HOMER2: variants seen among roughly 807,000 people sequenced by gnomAD.
The protein encoded by HOMER2 is homer scaffold protein 2.
Under a neutral mutation model 47.0 loss-of-function variants are expected in HOMER2, and 27 were observed. The ratio of observed to expected loss-of-function variants is 0.57; its 90% CI spans 0.42 to 0.79. HOMER2 has a LOEUF of 0.79. HOMER2 is among the 30% of genes least tolerant of loss of function. The probability of loss-of-function intolerance (pLI) is 0.00; values close to 1 mark genes in which losing one functional copy is unlikely to be tolerated. For missense variants in HOMER2, 443 were observed against 435.0 expected (o/e 1.02, Z -0.16); for synonymous variants, 161 against 163.8 (o/e 0.98, Z 0.13).
intron 1 of HOMER2, among the ~76,000 whole-genome samples, chr15:82,983,996 A>G (rs2030490958): frequency 6.6e-6 from 1 of 151,706 alleles, no homozygotes. Flanking sequence ...CAATTGCACT[A>G]CTGGAGCTCC....
At position 82,977,552 on chromosome 15, in the gene HOMER2, T is replaced by C. The variant is rs189331379; in HGVS notation, n.82+8235A>G. On this transcript the variant is annotated intron_variant and non_coding_transcript_variant, in intron 1 of 1. Coordinates refer to the HOMER2 transcript ENST00000500334. ...TTAGAGCTGGAGGAGACCTTAGAAA[T>C]TGGAAAGTCTAAGTCCTTCACTCTT... Among the ~76,000 whole-genome samples the C allele has an allele frequency of 2.5e-4, 35 of 142,430 alleles. 1 individual carries two copies. In the East Asian group the frequency reaches 8.9e-3, roughly 36 times the overall value. The allele number at this position is 142,430 out of a possible 152,430, so 93.4% of individuals were successfully genotyped here.
At chr15:82,916,925 C>T (rs149519882) in intron 1 of HOMER2, among the ~76,000 whole-genome samples, 1,633 of 152,278 alleles carry the variant, frequency 0.011, 8 homozygotes, top group Non-Finnish European at 0.016. Context: ...CCTCAACCTC[C>T]CGAGTAGCTG....
chr15:82,852,124 C>A lies in HOMER2; in HGVS notation c.762+18G>T. ...CAAGAGGACGCCAAGGGGCCCTGCT[C>A]GGAGCACCATTACTCACTGTCTCCT... is the stretch of plus-strand genomic sequence containing the variant. On this transcript the variant is annotated intron_variant, in intron 7 of 8. Transcript: ENST00000450735. 1.3e-6 allele frequency: 2 copies of A among 1,588,154 alleles called. No homozygotes were observed. Among genetic ancestry groups the A allele is most frequent in the Non-Finnish European group, 8.6e-7 (1 of 1,156,822 alleles).
exon 2 of HOMER2, chr15:82,958,290 C>T (rs2151248810): frequency 6.6e-6 from 1 of 152,332 alleles, no homozygotes; most frequent in South Asian, 2.1e-4. Context: ...CAAGGATGTA[C>T]AGGAGGGAAG....
At chr15:82,954,135 T>A (rs2054561063), upstream of HOMER2, among the ~76,000 whole-genome samples, 1 of 152,116 alleles carries the variant, frequency 6.6e-6, no homozygotes, top group Non-Finnish European at 1.5e-5. Context: ...CTTGGGAGTT[T>A]CCAAATCCTC....
upstream of HOMER2, among the ~76,000 whole-genome samples, chr15:82,955,391 G>A (rs906562626): frequency 1.3e-5 from 2 of 148,216 alleles, no homozygotes; most frequent in Admixed American, 6.7e-5. Context: ...GGATGGTCTC[G>A]ATCTCCAGAC....
At chr15:82,922,996 A>G (rs1221133277) in intron 1 of HOMER2, among the ~76,000 whole-genome samples, 2 of 152,134 alleles carry the variant, frequency 1.3e-5, no homozygotes. Flanking sequence ...CTCTTCCATC[A>G]GAGGCACGTG....
chr15:82,932,747 G>C (rs971469086), intron 1 of HOMER2, among the ~76,000 whole-genome samples: 1 of 152,148 alleles, frequency 6.6e-6, no homozygotes, highest in African/African-American at 2.4e-5. Flanking sequence ...CTGAGGATGA[G>C]GAAAACCCAG....
chr15:82,873,164 C>T (rs1198028089), intron 3 of HOMER2, among the ~76,000 whole-genome samples: 1 of 152,186 alleles, frequency 6.6e-6, no homozygotes, highest in Non-Finnish European at 1.5e-5. Flanking sequence ...CCCGGCCCTG[C>T]TGAGCATCCT....
At chr15:82,851,062 G>T in intron 8 of HOMER2, 89 bp downstream of exon 8, 1 of 880,996 alleles carries the variant, frequency 1.1e-6, no homozygotes, top group Non-Finnish European at 1.8e-6. Flanking sequence ...CATTCTCAGT[G>T]TGAAAGTGAT....
intron 1 of HOMER2, among the ~76,000 whole-genome samples, chr15:82,918,323 C>T (rs565991471): frequency 6.6e-6 from 1 of 152,264 alleles, no homozygotes; most frequent in Admixed American, 6.5e-5. Context: ...TCAGGTGTCA[C>T]AGCCAGAGGT....
intron 4 of HOMER2, among the ~76,000 whole-genome samples, chr15:82,863,867 G>A (rs2051874061): frequency 6.6e-6 from 1 of 152,172 alleles, no homozygotes; most frequent in Non-Finnish European, 1.5e-5. Context: ...TCCCAGCACA[G>A]CCAGGAGACA....
chr15:82,868,541 A>ATATATATATATATATATATATAT, intron 3 of HOMER2, among the ~76,000 whole-genome samples: 4 of 71,266 alleles, frequency 5.6e-5, no homozygotes, highest in African/African-American at 2.0e-4. Flanking sequence ...ATATATATAT[A>ATATATATATATATATATATATAT]TTTTTTTTTT....
chr15:82,875,332 C>T lies in HOMER2; in HGVS notation c.235G>A (p.Asp79Asn), dbSNP rs779506706. The T allele has an allele frequency of 1.2e-6, 2 of 1,613,856 alleles. No homozygotes were observed. The highest frequency in any genetic ancestry group is 1.3e-5 in the African/African-American group (1 of 74,916). Reference sequence around the variant, plus strand: ...CCAAACACTGTGTTGGCTCTGCTGTCGGCCCACTGCCCAAACTTCTGTGAC... The same window carrying T: ...CCAAACACTGTGTTGGCTCTGCTGTTGGCCCACTGCCCAAACTTCTGTGAC... ...KTSQKFGQWADSRANTVFGLG... is the reference protein window; with the variant it reads ...KTSQKFGQWANSRANTVFGLG... Residue 79 changes from aspartate to asparagine, a missense_variant, in exon 3 of 9, where the codon GAC becomes AAC. Physicochemically the swap from Asp to Asn is conservative, Grantham distance 23. Transcript: ENST00000450735.
chr15:82,929,060 G>C (rs2053936500), intron 1 of HOMER2, among the ~76,000 whole-genome samples: 2 of 151,502 alleles, frequency 1.3e-5, no homozygotes, highest in African/African-American at 2.4e-5. Context: ...GCCAAAAAGA[G>C]GGTGAGCAAT....
intron 1 of HOMER2, among the ~76,000 whole-genome samples, chr15:82,970,361 G>A (rs1272918260): frequency 6.6e-6 from 1 of 152,130 alleles, no homozygotes; most frequent in Non-Finnish European, 1.5e-5. Flanking sequence ...TTATCACCAG[G>A]GCTCTGAAAA....
At chr15:82,984,039 T>TA (rs2030494489) in intron 1 of HOMER2, among the ~76,000 whole-genome samples, 3 of 150,766 alleles carry the variant, frequency 2.0e-5, no homozygotes, top group African/African-American at 7.3e-5. Flanking sequence ...ATTATTATTT[T>TA]TTTTTTTTTT....
chr15:82,902,884 TTC>T (rs950578798), intron 1 of HOMER2, among the ~76,000 whole-genome samples: 2 of 152,212 alleles, frequency 1.3e-5, no homozygotes, highest in African/African-American at 2.4e-5. Context: ...TTTTGTTTTA[TTC>T]TGTTACAAAG....
intron 1 of HOMER2, among the ~76,000 whole-genome samples, chr15:82,976,653 G>A (rs7178149): frequency 1.4e-3 from 203 of 144,938 alleles, no homozygotes; most frequent in African/African-American, 4.5e-3. Flanking sequence ...CAATTAGTAC[G>A]ATTAGATCTT....
Sources: gnomAD v4.1 joint callset for allele counts (sites outside exome capture counted in the v4.1 genomes callset) on GRCh38, gnomAD v4.1.1 for gene constraint, MANE v1.5 for transcripts, NCBI Gene and HGNC (gene_info 2026-07-23, HGNC 2026-07-21) for gene names.